The following AFG2B variants were observed in gnomAD, a reference collection of about 807,000 sequenced individuals.
AFG2B encodes AAA ATPase AFG2B, also known as ATPase family gene 2 protein homolog B.
At chr15:45,420,688 T>C in the AFG2B span, among the ~76,000 whole-genome samples, 1 of 148,174 alleles carries the variant, frequency 6.7e-6, no homozygotes, top group Non-Finnish European at 1.5e-5. Flanking sequence ...TATTACCATA[T>C]ATTGTTAAAA....
chr15:45,402,875 T>C, the AFG2B span: 1 of 1,598,366 alleles, frequency 6.3e-7, no homozygotes, highest in Non-Finnish European at 8.5e-7. Context: ...CTGGGCCACG[T>C]GGTGGTCGCT....
the AFG2B span, chr15:45,420,994 AAG>A: frequency 3.2e-6 from 5 of 1,579,048 alleles, no homozygotes; most frequent in African/African-American, 6.9e-5. Flanking sequence ...CTCCATCTCA[AAG>A]AAAAAAAAGC....
the AFG2B span, among the ~76,000 whole-genome samples, chr15:45,415,360 G>A: frequency 2.0e-5 from 3 of 151,994 alleles, no homozygotes; most frequent in Non-Finnish European, 2.9e-5. Flanking sequence ...TTAAGTGGAC[G>A]TGGTAGCGCA....
the AFG2B span, chr15:45,402,419 A>T: frequency 6.3e-7 from 1 of 1,593,886 alleles, no homozygotes; most frequent in Non-Finnish European, 8.5e-7. Context: ...TGCCTGGTTC[A>T]TCTGTGTGCG....
chr15:45,421,281 A>G, the AFG2B span: 2 of 1,074,482 alleles, frequency 1.9e-6, no homozygotes, highest in Non-Finnish European at 1.3e-6. Flanking sequence ...GCAACTTCAC[A>G]CTTTTAGAAT....
At chr15:45,402,961 G>A in the AFG2B span, 2 of 1,596,570 alleles carry the variant, frequency 1.3e-6, no homozygotes, top group Non-Finnish European at 1.7e-6. Context: ...CGCTGGGCTG[G>A]TCACCCCTCG....
the AFG2B span, among the ~76,000 whole-genome samples, chr15:45,418,343 C>CA: frequency 0.031 from 1,617 of 51,668 alleles, 27 homozygotes; most frequent in Middle Eastern, 0.078. Flanking sequence ...GACTCCATCT[C>CA]AAAAAAAAAA....
the AFG2B span, among the ~76,000 whole-genome samples, chr15:45,420,800 C>T: frequency 1.3e-5 from 2 of 151,914 alleles, no homozygotes; most frequent in African/African-American, 2.4e-5. Context: ...AAGATGAGCC[C>T]GGCCAACATG....
At chr15:45,409,054 C>G in the AFG2B span, among the ~76,000 whole-genome samples, 1 of 152,080 alleles carries the variant, frequency 6.6e-6, no homozygotes, top group Non-Finnish European at 1.5e-5. Flanking sequence ...AGTACTGGTT[C>G]TTCCTGTCAT....
At chr15:45,414,888 T>G in the AFG2B span, 19 of 957,086 alleles carry the variant, frequency 2.0e-5, no homozygotes, top group Non-Finnish European at 2.9e-5. Flanking sequence ...GTTAAAAAAT[T>G]TATACGTTTA....
the AFG2B span, among the ~76,000 whole-genome samples, chr15:45,411,277 C>G: frequency 2.0e-5 from 3 of 152,092 alleles, no homozygotes; most frequent in African/African-American, 7.2e-5. Flanking sequence ...GCCAAGAGTT[C>G]AAGACCAGAC....
chr15:45,403,042 C>G, the AFG2B span: 4 of 1,564,602 alleles, frequency 2.6e-6, no homozygotes, highest in African/African-American at 4.1e-5. Context: ...CCTGGGAGGT[C>G]TTTCGGAGGC....
the AFG2B span, among the ~76,000 whole-genome samples, chr15:45,406,371 A>C: frequency 6.6e-6 from 1 of 152,158 alleles, no homozygotes; most frequent in Admixed American, 6.5e-5. Flanking sequence ...TTTCTTGGTT[A>C]AGGTGGTGTC....
chr15:45,417,560 G>C, the AFG2B span: 35 of 622,170 alleles, frequency 5.6e-5, no homozygotes, highest in Middle Eastern at 2.8e-4. Flanking sequence ...TGGATACTCT[G>C]ATCTTGTTCA....
the AFG2B span, among the ~76,000 whole-genome samples, chr15:45,407,805 A>G: frequency 6.6e-6 from 1 of 152,236 alleles, no homozygotes; most frequent in African/African-American, 2.4e-5. Context: ...ACTTTAATAA[A>G]TACAGTACAG....
At chr15:45,412,445 G>C in the AFG2B span, among the ~76,000 whole-genome samples, 9 of 152,058 alleles carry the variant, frequency 5.9e-5, no homozygotes, top group African/African-American at 9.7e-5. Context: ...ACAGATTTCT[G>C]TAGAGAGAGC....
chr15:45,403,523 A>G, the AFG2B span: 1 of 1,601,894 alleles, frequency 6.2e-7, no homozygotes, highest in South Asian at 1.1e-5. Context: ...CGAGAGGTGA[A>G]TGGGCTTGGC....
the AFG2B span, among the ~76,000 whole-genome samples, chr15:45,419,155 C>T: frequency 6.6e-6 from 1 of 151,986 alleles, no homozygotes. Context: ...AGAAATAAAG[C>T]GAAAGAAGTG....
the AFG2B span, chr15:45,418,703 A>G: frequency 1.3e-6 from 2 of 1,597,156 alleles, no homozygotes; most frequent in Non-Finnish European, 1.7e-6. Context: ...TATTGAAGAA[A>G]TTTGTGGTTC....
Sources: gnomAD v4.1 joint callset for allele counts (sites outside exome capture counted in the v4.1 genomes callset) on GRCh38, gnomAD v4.1.1 for gene constraint, MANE v1.5 for transcripts, NCBI Gene and HGNC (gene_info 2026-07-23, HGNC 2026-07-21) for gene names.